Variants in RUNX3 observed in about 807,000 individuals in gnomAD.
RUNX3 encodes the protein RUNX family transcription factor 3.
Under a neutral mutation model 27.7 loss-of-function variants are expected in RUNX3, and 10 were observed. The ratio of observed to expected loss-of-function variants is 0.36; its 90% CI spans 0.22 to 0.61. RUNX3 has a LOEUF of 0.61. Among genes scored for constraint, RUNX3 ranks in the 20% least tolerant of loss-of-function variants. RUNX3 has a pLI of 0.72. For synonymous variants in RUNX3, 270 were observed against 269.2 expected (o/e 1.00, Z -0.03); for missense variants, 469 against 629.5 (o/e 0.75, Z 2.73).
intron 2 of RUNX3, among the ~76,000 whole-genome samples, chr1:24,958,025 G>A (rs561231762): frequency 9.8e-5 from 15 of 152,356 alleles, no homozygotes; most frequent in African/African-American, 3.4e-4. Flanking sequence ...AGGGCTTGGC[G>A]CTGGAGAAAG....
chr1:24,918,434 A>G (rs1447134230), intron 3 of RUNX3, among the ~76,000 whole-genome samples: 4 of 152,158 alleles, frequency 2.6e-5, no homozygotes, highest in Admixed American at 2.6e-4. Flanking sequence ...TTCAATAGTG[A>G]CTGCTAAAAG....
intron 4 of RUNX3, among the ~76,000 whole-genome samples, chr1:24,906,573 C>T (rs1571301993): frequency 1.3e-5 from 2 of 152,028 alleles, no homozygotes; most frequent in African/African-American, 2.4e-5. Flanking sequence ...CCAGGCACCT[C>T]GATACTCCAG....
chr1:24,912,169 C>G lies in RUNX3; in HGVS notation c.545-4752G>C, dbSNP rs1053002527. ...GCTGCGTGGGGAGCTCTGGCTCTAA[C>G]CCACTCCGTCACCTTGGGCCCAGTC... On this transcript the variant is annotated intron_variant, in intron 3 of 4. Coordinates refer to ENST00000308873, the MANE Select transcript of RUNX3 (RefSeq NM_004350.3). Among the ~76,000 whole-genome samples, 3 of 152,244 alleles carry G rather than the reference C, an allele frequency of 2.0e-5. No individual in the cohort carries two copies. In the South Asian group the frequency reaches 6.2e-4, roughly 32 times the overall value.
At chr1:24,918,046 G>A (rs954694563) in intron 3 of RUNX3, among the ~76,000 whole-genome samples, 20 of 152,326 alleles carry the variant, frequency 1.3e-4, no homozygotes, top group Admixed American at 4.6e-4. Flanking sequence ...CTGAGGATGC[G>A]TGCCGGGGCT....
intron 2 of RUNX3, among the ~76,000 whole-genome samples, chr1:24,948,597 A>G (rs927254642): frequency 6.7e-6 from 1 of 149,576 alleles, no homozygotes; most frequent in South Asian, 2.1e-4. Flanking sequence ...GCAGGGGTGC[A>G]TGTGGAGGAG....
chr1:24,957,995 T>C (rs1381176735), intron 2 of RUNX3, among the ~76,000 whole-genome samples: 2 of 152,106 alleles, frequency 1.3e-5, no homozygotes, highest in Non-Finnish European at 2.9e-5. Flanking sequence ...TGCTCAGCCC[T>C]CTCTAGCCCT....
chr1:24,945,114 G>A (rs1189134318), intron 2 of RUNX3, among the ~76,000 whole-genome samples: 3 of 152,238 alleles, frequency 2.0e-5, no homozygotes, highest in East Asian at 1.9e-4. Flanking sequence ...TGTTACATTC[G>A]CAGATAGAGT....
At chr1:24,921,506 A>C (rs1021496848) in intron 2 of RUNX3, among the ~76,000 whole-genome samples, 1 of 152,220 alleles carries the variant, frequency 6.6e-6, no homozygotes, top group Non-Finnish European at 1.5e-5. Context: ...GCCCCAGGTC[A>C]GAACAGACCT....
chr1:24,954,697 C>T (rs1355682966), intron 2 of RUNX3, among the ~76,000 whole-genome samples: 1 of 152,246 alleles, frequency 6.6e-6, no homozygotes, highest in Non-Finnish European at 1.5e-5. Context: ...TGTCCAACCA[C>T]GGACGTGGCC....
chr1:24,907,443 C>T (rs539518726), intron 3 of RUNX3, 26 bp from the exon 4 acceptor site: 1 of 1,596,452 alleles, frequency 6.3e-7, no homozygotes, highest in Non-Finnish European at 8.6e-7. Context: ...AGCCCATCAG[C>T]CGTTGCTTCC....
At chr1:24,917,598 TAAC>T (rs1640913936) in intron 3 of RUNX3, among the ~76,000 whole-genome samples, 1 of 152,212 alleles carries the variant, frequency 6.6e-6, no homozygotes. Context: ...ACACTGCAGA[TAAC>T]AGCCCTGGCT....
In RUNX3 at chr1:24,929,369, G is replaced by C. The variant is rs113900467; in HGVS notation, c.282+218C>G. The C allele has an allele frequency of 6.0e-5, 42 of 701,048 alleles. 1 individual carries two copies. Among genetic ancestry groups the C allele is most frequent in the African/African-American group, 4.4e-4 (25 of 57,218 alleles). The allele number at this position is 701,048 out of a possible 1,614,324, so 43.4% of individuals were successfully genotyped here. On this transcript the variant is annotated intron_variant, in intron 1 of 4. Coordinates refer to ENST00000308873, the MANE Select transcript of RUNX3 (RefSeq NM_004350.3). ...AGGCGCCCCAAAACCCAGGTGGAGC[G>C]GGGCAACCCCGTTAAAAGTCATTCC...
rs960671394 is a variant in RUNX3, at chr1:24,943,967, T to A, written c.59-14115A>T. Among the ~76,000 whole-genome samples the A allele has an allele frequency of 6.6e-6, 1 of 152,204 alleles. No individual in the cohort carries two copies. Among genetic ancestry groups the A allele is most frequent in the Non-Finnish European group, 1.5e-5 (1 of 68,028 alleles). ...GGGAAGATCACCAGTTCCCTGGTGT[T>A]GTGGGAGGTGAGACTGTGCCCCTCT... On this transcript the variant is annotated intron_variant, in intron 2 of 6. Coordinates refer to the RUNX3 transcript ENST00000338888. The surrounding 1 kb of genome is among the most constrained non-coding windows in gnomAD (Gnocchi z 4.6).
At chr1:24,911,307 G>GA (rs1640791557) in intron 3 of RUNX3, among the ~76,000 whole-genome samples, 1 of 152,246 alleles carries the variant, frequency 6.6e-6, no homozygotes, top group South Asian at 2.1e-4. Flanking sequence ...CGTCACAGGA[G>GA]AATAAAGTCC....
intron 2 of RUNX3, among the ~76,000 whole-genome samples, chr1:24,942,452 A>T (rs1277161428): frequency 6.6e-6 from 1 of 152,168 alleles, no homozygotes; most frequent in East Asian, 1.9e-4. Context: ...GTAAAGTCAG[A>T]GAGAGTGACT....
chr1:24,964,564 G>C (rs193187661), exon 2 of RUNX3: 2 of 1,611,016 alleles, frequency 1.2e-6, no homozygotes, highest in African/African-American at 1.3e-5. Flanking sequence ...GATGCTGTTC[G>C]ATGCCATGCC....
chr1:24,926,693 T>G (rs2124299811), intron 2 of RUNX3, among the ~76,000 whole-genome samples: 1 of 152,322 alleles, frequency 6.6e-6, no homozygotes, highest in South Asian at 2.1e-4. Context: ...TTCAGCCTGC[T>G]GTGGAGTTGG....
chr1:24,963,955 A>G (rs12128982), intron 2 of RUNX3, among the ~76,000 whole-genome samples: 26,395 of 152,212 alleles, frequency 0.17, 3,073 homozygotes, highest in African/African-American at 0.33. Flanking sequence ...TGCCCCGTGC[A>G]GGTCCAGCTT....
intron 3 of RUNX3, among the ~76,000 whole-genome samples, chr1:24,909,649 C>A (rs757732301): frequency 6.6e-6 from 1 of 152,220 alleles, no homozygotes; most frequent in Non-Finnish European, 1.5e-5. Context: ...CAGTCCTCTC[C>A]ACCCACATTT....
Sources: allele counts gnomAD v4.1 joint callset (sites outside exome capture counted in the v4.1 genomes callset), GRCh38; gene constraint gnomAD v4.1.1; non-coding constraint Gnocchi (gnomAD v3.1); transcripts MANE v1.5; gene names NCBI Gene and HGNC (gene_info 2026-07-23, HGNC 2026-07-21).